Variants in MAP4K3 observed in about 807,000 individuals in gnomAD.
MAP4K3 encodes the protein MAPK/ERK kinase kinase kinase 3.
In MAP4K3, 94 loss-of-function variants were observed where a neutral mutation model predicts 143.5. That is an observed-to-expected ratio of 0.65 (90% CI 0.55 to 0.78). The LOEUF is 0.78. MAP4K3 is among the 30% of genes least tolerant of loss of function. The pLI, the probability that MAP4K3 is intolerant of heterozygous loss-of-function variation, is 0.00. For synonymous variants in MAP4K3, 416 were observed against 347.2 expected (o/e 1.20, Z -2.20); for missense variants, 1,077 against 1,068.1 (o/e 1.01, Z -0.12).
intron 13 of MAP4K3, among the ~76,000 whole-genome samples, chr2:39,314,885 C>T (rs1683062937): frequency 6.6e-6 from 1 of 152,154 alleles, no homozygotes; most frequent in South Asian, 2.1e-4. Flanking sequence ...GATGCTAGGG[C>T]AGTTTGCAGA....
At chr2:39,347,710 C>G (rs921486072) in intron 3 of MAP4K3, among the ~76,000 whole-genome samples, 5 of 151,784 alleles carry the variant, frequency 3.3e-5, no homozygotes, top group African/African-American at 1.2e-4. Flanking sequence ...GCTCCTGGAA[C>G]TCGGTGAAAC....
chr2:39,266,567 C>G (rs1680773790), intron 27 of MAP4K3, among the ~76,000 whole-genome samples: 1 of 152,074 alleles, frequency 6.6e-6, no homozygotes, highest in Non-Finnish European at 1.5e-5. Flanking sequence ...CAGTTCAAAT[C>G]TGAATCTGCC....
chr2:39,284,950 G>T (rs1371732225), intron 21 of MAP4K3, among the ~76,000 whole-genome samples: 1 of 151,882 alleles, frequency 6.6e-6, no homozygotes, highest in Non-Finnish European at 1.5e-5. Flanking sequence ...GAGTGCAGTG[G>T]CAGGCAAGCA....
chr2:39,251,760 G>C (rs1040568211), intron 33 of MAP4K3, 70 bp downstream of exon 33: 1 of 1,269,404 alleles, frequency 7.9e-7, no homozygotes, highest in Non-Finnish European at 1.1e-6. Flanking sequence ...TCTTGAAAAA[G>C]AAATCTGTTT....
intron 2 of MAP4K3, among the ~76,000 whole-genome samples, chr2:39,366,311 A>T (rs1318798622): frequency 6.6e-6 from 1 of 152,028 alleles, no homozygotes; most frequent in Non-Finnish European, 1.5e-5. Flanking sequence ...GGTTAGAGGG[A>T]GATTTTAAAA....
intron 3 of MAP4K3, among the ~76,000 whole-genome samples, chr2:39,347,714 G>C (rs760846146): frequency 6.6e-6 from 1 of 151,954 alleles, no homozygotes; most frequent in Non-Finnish European, 1.5e-5. Context: ...CTGGAACTCG[G>C]TGAAACTATA....
chr2:39,257,423 G>C (rs1419450903), intron 31 of MAP4K3, among the ~76,000 whole-genome samples: 1 of 152,164 alleles, frequency 6.6e-6, no homozygotes, highest in African/African-American at 2.4e-5. Context: ...CTGGTATACT[G>C]AGTACTAAAT....
intron 3 of MAP4K3, among the ~76,000 whole-genome samples, chr2:39,352,295 A>T (rs935463809): frequency 8.5e-5 from 13 of 152,284 alleles, no homozygotes; most frequent in African/African-American, 3.1e-4. Flanking sequence ...TGTATCAAAA[A>T]AAATAAATAA....
At position 39,275,048 on chromosome 2, in the gene MAP4K3, A is replaced by C. The variant is rs539207124; in HGVS notation, c.1795-2506T>G. 5.9e-5 allele frequency among the ~76,000 whole-genome samples: 9 copies of C among 152,364 alleles called. No individual in the cohort carries two copies. In the East Asian group the frequency reaches 1.7e-3, roughly 29 times the overall value. On this transcript the variant is annotated intron_variant, in intron 24 of 33. Transcript: ENST00000263881. ...ACATATACTAATTCTTTACTCTTAT[A>C]GGCTCCCTCTAGGAGGGAAAAATGT...
intron 13 of MAP4K3, among the ~76,000 whole-genome samples, chr2:39,311,624 T>C (rs1222970833): frequency 1.3e-5 from 2 of 152,336 alleles, no homozygotes; most frequent in Admixed American, 6.5e-5. Flanking sequence ...GGAAGTCACA[T>C]TGTGAGCAGC....
intron 15 of MAP4K3, among the ~76,000 whole-genome samples, chr2:39,305,318 T>C (rs1487478509): frequency 6.6e-6 from 1 of 152,198 alleles, no homozygotes; most frequent in East Asian, 1.9e-4. Context: ...TAAAAATATA[T>C]ACTGATGATG....
At chr2:39,371,884 A>G (rs1666091750) in intron 2 of MAP4K3, among the ~76,000 whole-genome samples, 1 of 150,582 alleles carries the variant, frequency 6.6e-6, no homozygotes, top group Admixed American at 6.6e-5. Context: ...TGCTGAATTG[A>G]TCCCTTTATA....
intron 2 of MAP4K3, among the ~76,000 whole-genome samples, chr2:39,368,156 T>C (rs1665976428): frequency 6.6e-6 from 1 of 152,072 alleles, no homozygotes; most frequent in Non-Finnish European, 1.5e-5. Context: ...TCCTCTGGAG[T>C]ATATCGCGCC....
At chr2:39,392,397 A>T (rs1666690833) in intron 1 of MAP4K3, among the ~76,000 whole-genome samples, 1 of 152,130 alleles carries the variant, frequency 6.6e-6, no homozygotes, top group South Asian at 2.1e-4. Flanking sequence ...TGCTAACTCA[A>T]TATTGCCTAT....
chr2:39,322,765 G>C (rs906439393), intron 12 of MAP4K3, among the ~76,000 whole-genome samples: 1 of 151,600 alleles, frequency 6.6e-6, no homozygotes, highest in African/African-American at 2.4e-5. Context: ...TGCCTCCCAG[G>C]TTCAAGCAAT....
chr2:39,415,719 AGGTG>A (rs1360298603), intron 1 of MAP4K3, among the ~76,000 whole-genome samples: 1 of 151,476 alleles, frequency 6.6e-6, no homozygotes, highest in African/African-American at 2.4e-5. Context: ...TGGAAGGCCG[AGGTG>A]GGTGGATCAC....
At position 39,333,492 on chromosome 2, in the gene MAP4K3, G is replaced by A. The variant is rs776693931; in HGVS notation, c.457+40C>T. On this transcript the variant is annotated intron_variant, in intron 7 of 33. Coordinates refer to ENST00000263881, the MANE Select transcript of MAP4K3 (RefSeq NM_003618.4). ...AAAACATAAACTTTACTATATCTTA[G>A]AATAGATTTGTGCACGTGACAAAAT... 6.0e-6 allele frequency: 9 copies of A among 1,491,886 alleles called. No individual in the cohort carries two copies. In the East Asian group the frequency reaches 1.8e-4, roughly 30 times the overall value. The allele number at this position is 1,491,886 out of a possible 1,614,324, so 92.4% of individuals were successfully genotyped here. A position where few individuals can be genotyped will look rare whatever the true frequency, so the allele number is the denominator to read the frequency against.
chr2:39,415,375 C>T (rs894187151), intron 1 of MAP4K3, among the ~76,000 whole-genome samples: 4 of 151,674 alleles, frequency 2.6e-5, no homozygotes, highest in African/African-American at 7.3e-5. Context: ...CTTATTGGTG[C>T]ACAAGTAAGT....
intron 3 of MAP4K3, among the ~76,000 whole-genome samples, chr2:39,347,357 T>C (rs1231322217): frequency 1.3e-5 from 2 of 152,180 alleles, no homozygotes; most frequent in Non-Finnish European, 2.9e-5. Flanking sequence ...CTCTAAAATA[T>C]CTTCACATCT....
Sources: allele counts gnomAD v4.1 joint callset (sites outside exome capture counted in the v4.1 genomes callset), GRCh38; gene constraint gnomAD v4.1.1; transcripts MANE v1.5; gene names NCBI Gene and HGNC (gene_info 2026-07-23, HGNC 2026-07-21).